EXOC4: variants seen among roughly 807,000 people sequenced by gnomAD.
The protein encoded by EXOC4 is SEC8-like 1.
EXOC4 carries 71 observed loss-of-function variants against 107.2 expected under a neutral mutation model. The ratio of observed to expected loss-of-function variants is 0.66; its 90% CI spans 0.55 to 0.81. The LOEUF (loss-of-function observed/expected upper bound fraction) is 0.81. Ranked by LOEUF, EXOC4 falls within the 30% of genes least tolerant of loss-of-function variation. The pLI is 0.00. For missense variants in EXOC4, 1,108 were observed against 1,189.6 expected (o/e 0.93, Z 1.01); for synonymous variants, 456 against 441.2 (o/e 1.03, Z -0.42).
intron 11 of EXOC4, among the ~76,000 whole-genome samples, chr7:133,889,046 G>A (rs1799148422): frequency 6.6e-6 from 1 of 152,208 alleles, no homozygotes; most frequent in African/African-American, 2.4e-5. Flanking sequence ...TCTACAAGCT[G>A]TAAAACACAA....
intron 17 of EXOC4, among the ~76,000 whole-genome samples, chr7:134,044,830 G>A (rs1177159927): frequency 1.3e-5 from 2 of 152,192 alleles, no homozygotes; most frequent in Admixed American, 1.3e-4. Flanking sequence ...TGATTTCAGT[G>A]AGTCTCTTGA....
At chr7:133,467,830 C>CT (rs1360875551) in intron 7 of EXOC4, among the ~76,000 whole-genome samples, 4 of 151,758 alleles carry the variant, frequency 2.6e-5, no homozygotes, top group South Asian at 2.1e-4. Flanking sequence ...ATCTTGAAGG[C>CT]TTTTTTTGTT....
chr7:133,473,629 T>C (rs1798935333), intron 7 of EXOC4, among the ~76,000 whole-genome samples: 1 of 152,174 alleles, frequency 6.6e-6, no homozygotes, highest in African/African-American at 2.4e-5. Flanking sequence ...AATATCTTTT[T>C]CCATATCTTT....
chr7:133,596,025 T>G (rs956328300), intron 9 of EXOC4, among the ~76,000 whole-genome samples: 1 of 152,180 alleles, frequency 6.6e-6, no homozygotes, highest in Admixed American at 6.5e-5. Flanking sequence ...TTTGCTTTGC[T>G]CCAACATGCT....
Position 133,330,760 on chromosome 7 carries a change from G to T in EXOC4, c.763+13370G>T, listed in dbSNP as rs113718212. On this transcript the variant is annotated intron_variant, in intron 5 of 17. Transcript: ENST00000253861. ...TGAGGCAACATCCCATCTTGCTTTG[G>T]CTCGCCCTTGGTGGGCTGCACCCAC... Among the ~76,000 whole-genome samples, 429 of 152,050 alleles carry T rather than the reference G, an allele frequency of 2.8e-3. 2 individuals are homozygous for T. The highest frequency in any genetic ancestry group is 9.8e-3 in the African/African-American group (407 of 41,438).
At chr7:134,061,258 T>A (rs1796049455) in intron 17 of EXOC4, among the ~76,000 whole-genome samples, 1 of 152,238 alleles carries the variant, frequency 6.6e-6, no homozygotes, top group Non-Finnish European at 1.5e-5. Context: ...TTAAGATAAA[T>A]GATAAAAATA....
chr7:133,373,490 A>G (rs1412719469), intron 6 of EXOC4, among the ~76,000 whole-genome samples: 1 of 152,224 alleles, frequency 6.6e-6, no homozygotes, highest in East Asian at 1.9e-4. Context: ...GGGTTTTACC[A>G]TAAGATAGTT....
chr7:133,607,681 C>G (rs749555017), intron 9 of EXOC4, among the ~76,000 whole-genome samples: 2 of 152,146 alleles, frequency 1.3e-5, no homozygotes, highest in African/African-American at 2.4e-5. Context: ...TTCTCCATCT[C>G]TCTCGTGCTT....
chr7:134,007,979 A>T, intron 17 of EXOC4, 144 bp downstream of exon 17: 1 of 698,498 alleles, frequency 1.4e-6, no homozygotes. Context: ...TTTAGGTCCT[A>T]TAGAGAAAAT....
At chr7:133,670,876 C>A (rs575394838) in intron 10 of EXOC4, among the ~76,000 whole-genome samples, 99 of 152,206 alleles carry the variant, frequency 6.5e-4, no homozygotes, top group Non-Finnish European at 9.1e-4. Context: ...ATGGGAGGGG[C>A]AGACAATAAG....
chr7:133,388,119 T>C (rs1796769829), intron 7 of EXOC4, among the ~76,000 whole-genome samples: 1 of 152,192 alleles, frequency 6.6e-6, no homozygotes, highest in Admixed American at 6.5e-5. Flanking sequence ...ATTTTTGTTT[T>C]GTTTTTACTA....
At chr7:133,858,424 G>A (rs1798465298) in intron 11 of EXOC4, among the ~76,000 whole-genome samples, 1 of 152,090 alleles carries the variant, frequency 6.6e-6, no homozygotes, top group Non-Finnish European at 1.5e-5. Context: ...TGGTCCATGG[G>A]TGGACCTGGA....
intron 17 of EXOC4, among the ~76,000 whole-genome samples, chr7:134,050,595 T>G (rs946382624): frequency 9.2e-5 from 14 of 151,880 alleles, no homozygotes; most frequent in Non-Finnish European, 1.8e-4. Context: ...TCATAGAGGG[T>G]AGAGGATTTA....
At chr7:133,780,302 C>G (rs999350485) in intron 10 of EXOC4, among the ~76,000 whole-genome samples, 5 of 109,818 alleles carry the variant, frequency 4.6e-5, no homozygotes, top group Admixed American at 2.5e-4. Context: ...TTTGAAGAAT[C>G]TAAAAAAAAA....
chr7:133,910,812 G>A (rs1799676490), intron 12 of EXOC4, among the ~76,000 whole-genome samples: 1 of 152,120 alleles, frequency 6.6e-6, no homozygotes, highest in Admixed American at 6.5e-5. Flanking sequence ...GAAGTATCTT[G>A]AAAGATTCAG....
chr7:133,362,984 G>A (rs1424708698), intron 6 of EXOC4, among the ~76,000 whole-genome samples: 3 of 152,166 alleles, frequency 2.0e-5, no homozygotes, highest in Admixed American at 6.5e-5. Context: ...CCCAGGCACC[G>A]CATGTAGCAC....
chr7:133,566,336 A>G lies in EXOC4; in HGVS notation c.1418-63709A>G, dbSNP rs1048185969. 2.6e-5 allele frequency among the ~76,000 whole-genome samples: 4 copies of G among 152,316 alleles called. No homozygotes were observed. The East Asian group carries it at 7.7e-4, about 29-fold the overall frequency. Reference sequence around the variant, plus strand: ...AGAGAGTGATTATTTCATGGGCTTTAGAGTTATTTCTCATTTGTGTAGTGA... The same window carrying G: ...AGAGAGTGATTATTTCATGGGCTTTGGAGTTATTTCTCATTTGTGTAGTGA... On this transcript the variant is annotated intron_variant, in intron 9 of 17. Transcript: ENST00000253861.
intron 15 of EXOC4, among the ~76,000 whole-genome samples, chr7:134,002,539 C>T (rs1035060536): frequency 3.3e-5 from 5 of 151,894 alleles, no homozygotes; most frequent in Admixed American, 3.3e-4. Context: ...AGCCAAAGAC[C>T]AGGAGAAAAT....
rs189051524 is a variant in EXOC4, at chr7:133,959,396, G to C, written c.2206+21327G>C. ...AGAACTCTTAGAAATAAAAAATAAA[G>C]TGAAATAAAAATCTCAGAAGATAGA... On this transcript the variant is annotated intron_variant, in intron 14 of 17. Transcript: ENST00000253861. Among the ~76,000 whole-genome samples the C allele has an allele frequency of 2.0e-5, 3 of 151,794 alleles. No individual in the cohort carries two copies. The East Asian group carries it at 5.8e-4, about 29-fold the overall frequency.
Sources: allele counts gnomAD v4.1 joint callset (sites outside exome capture counted in the v4.1 genomes callset), GRCh38; gene constraint gnomAD v4.1.1; transcripts MANE v1.5; gene names NCBI Gene and HGNC (gene_info 2026-07-23, HGNC 2026-07-21).